Variants in AGBL4 observed in about 807,000 individuals in gnomAD.
AGBL4 encodes the protein AGBL carboxypeptidase 4, also known as cytosolic carboxypeptidase 6.
In AGBL4, 58 loss-of-function variants were observed where a neutral mutation model predicts 66.4. The observed-to-expected ratio is 0.87, with a 90% CI of 0.71 to 1.09. AGBL4 has a LOEUF of 1.09. AGBL4 is among the 50% of genes least tolerant of loss of function. The pLI is 0.00. For missense variants in AGBL4, 579 were observed against 631.0 expected (o/e 0.92, Z 0.88); for synonymous variants, 234 against 222.9 (o/e 1.05, Z -0.44).
At chr1:49,014,592 A>G (rs1662676555) in intron 5 of AGBL4, among the ~76,000 whole-genome samples, 4 of 152,076 alleles carry the variant, frequency 2.6e-5, no homozygotes, top group Admixed American at 2.0e-4. Context: ...CAGATTGACC[A>G]CTGCATGCCA....
At chr1:49,576,356 A>G (rs557915419) in intron 3 of AGBL4, among the ~76,000 whole-genome samples, 3 of 152,318 alleles carry the variant, frequency 2.0e-5, no homozygotes, top group Admixed American at 6.5e-5. Flanking sequence ...AGCAGATCCA[A>G]TGGTGCTTGA....
chr1:48,534,396 C>T (rs954096738), intron 13 of AGBL4, 103 bp from the exon 14 acceptor site: 1 of 1,398,226 alleles, frequency 7.2e-7, no homozygotes, highest in South Asian at 1.5e-5. Flanking sequence ...CTGTAGCCTC[C>T]CAGGAACAGT....
intron 5 of AGBL4, among the ~76,000 whole-genome samples, chr1:48,886,094 C>G (rs941904667): frequency 6.6e-6 from 1 of 152,112 alleles, no homozygotes; most frequent in African/African-American, 2.4e-5. Context: ...AGGACACCAG[C>G]AGGTGAGGAA....
At chr1:48,623,806 G>A (rs1272980178) in intron 9 of AGBL4, among the ~76,000 whole-genome samples, 4 of 152,238 alleles carry the variant, frequency 2.6e-5, no homozygotes, top group Non-Finnish European at 4.4e-5. Flanking sequence ...TGGAAAGGGA[G>A]GAGTATATGG....
intron 7 of AGBL4, among the ~76,000 whole-genome samples, chr1:48,655,649 C>G (rs1422415548): frequency 1.3e-5 from 2 of 152,266 alleles, no homozygotes; most frequent in Admixed American, 6.5e-5. Flanking sequence ...TGGCATGCTT[C>G]AATAAACTCA....
chr1:49,908,624 A>G lies in AGBL4; in HGVS notation c.35-57106T>C, dbSNP rs537896923. Among the ~76,000 whole-genome samples the G allele has an allele frequency of 2.6e-5, 4 of 152,226 alleles. No homozygotes were observed. In the South Asian group the frequency reaches 8.3e-4, roughly 32 times the overall value. ...ACCCATGCTTAGATGTTTCTCCATAAGAACACAGGAATGGCCTAATACACT... is the reference window on the plus strand; with the variant it reads ...ACCCATGCTTAGATGTTTCTCCATAGGAACACAGGAATGGCCTAATACACT... On this transcript the variant is annotated intron_variant, in intron 1 of 13. Transcript: ENST00000371839.
chr1:49,863,946 A>G (rs6675419), intron 1 of AGBL4, among the ~76,000 whole-genome samples: 104,164 of 151,780 alleles, frequency 0.69, 36,499 homozygotes, highest in African/African-American at 0.78. Context: ...CCCCCAAAAA[A>G]GAAATCAGTA....
chr1:49,686,245 C>A (rs1038643956), intron 3 of AGBL4, among the ~76,000 whole-genome samples: 1 of 152,106 alleles, frequency 6.6e-6, no homozygotes, highest in Non-Finnish European at 1.5e-5. Flanking sequence ...CTAATAAGGA[C>A]CCCCGCCACG....
At chr1:48,855,136 C>T (rs1433818224) in intron 6 of AGBL4, among the ~76,000 whole-genome samples, 3 of 152,146 alleles carry the variant, frequency 2.0e-5, no homozygotes, top group Non-Finnish European at 4.4e-5. Flanking sequence ...CTGCCTTCAG[C>T]CTAATAGTGA....
In AGBL4 at chr1:49,804,729, CATTT is replaced by C. The variant is rs372180675; in HGVS notation, c.157+46663_157+46666del. Among the ~76,000 whole-genome samples, 63 of 152,238 alleles carry C rather than the reference CATTT, an allele frequency of 4.1e-4. No homozygotes were observed. The East Asian group carries it at 0.011, about 26-fold the overall frequency. ...ATTTGCATTTTCATCAATTAACAAACATTTATATTTGCTGGTGAGATAGAAACCT... is the reference window on the plus strand; with the variant it reads ...ATTTGCATTTTCATCAATTAACAAACATATTTGCTGGTGAGATAGAAACCT... On this transcript the variant is annotated intron_variant, in intron 2 of 13. Coordinates refer to ENST00000371839, the MANE Select transcript of AGBL4 (RefSeq NM_032785.4).
intron 3 of AGBL4, among the ~76,000 whole-genome samples, chr1:49,645,091 A>T (rs568158817): frequency 5.5e-4 from 83 of 151,602 alleles, no homozygotes; most frequent in Non-Finnish European, 8.4e-4. Flanking sequence ...AGAAATAAAA[A>T]ATAGAGAATT....
intron 3 of AGBL4, among the ~76,000 whole-genome samples, chr1:49,259,938 A>T (rs1397029430): frequency 1.3e-4 from 19 of 151,252 alleles, no homozygotes; most frequent in African/African-American, 4.1e-4. Flanking sequence ...GTAAAAGAAC[A>T]GAGATTATAA....
chr1:49,842,821 G>A (rs1646032017), intron 2 of AGBL4, among the ~76,000 whole-genome samples: 1 of 152,156 alleles, frequency 6.6e-6, no homozygotes, highest in South Asian at 2.1e-4. Flanking sequence ...GGCAGTCTGA[G>A]AGAATACTAG....
At chr1:49,844,697 A>C in intron 2 of AGBL4, 1 of 1,599,254 alleles carries the variant, frequency 6.3e-7, no homozygotes, top group African/African-American at 1.3e-5. Context: ...TCAGACTTGG[A>C]AACTAGACCC....
At chr1:48,718,609 G>A (rs988208911) in intron 6 of AGBL4, among the ~76,000 whole-genome samples, 2 of 152,120 alleles carry the variant, frequency 1.3e-5, no homozygotes, top group South Asian at 4.1e-4. Context: ...CTTCCTGGTG[G>A]GAGGGAGAGG....
intron 1 of AGBL4, among the ~76,000 whole-genome samples, chr1:49,908,737 G>T (rs928049045): frequency 6.6e-6 from 1 of 152,104 alleles, no homozygotes; most frequent in Non-Finnish European, 1.5e-5. Flanking sequence ...AGACCAGCCT[G>T]GGTGACAGAA....
chr1:48,525,346 G>T, the AGBL4 span, among the ~76,000 whole-genome samples: 1 of 152,164 alleles, frequency 6.6e-6, no homozygotes, highest in African/African-American at 2.4e-5. Context: ...GAGGGGTCTT[G>T]TAGAATCAGT....
rs955590830 is a variant in AGBL4, at chr1:49,939,407, C to T, written c.34+84356G>A. Among the ~76,000 whole-genome samples the T allele has an allele frequency of 6.8e-4, 104 of 152,108 alleles. 1 individual carries two copies. Among genetic ancestry groups the T allele is most frequent in the African/African-American group, 2.4e-3 (99 of 41,396 alleles). On this transcript the variant is annotated intron_variant, in intron 1 of 13. Transcript: ENST00000371839. ...CCCACATTGCCAAGCCAATCCTAAG[C>T]CAAAAGAACAAAGCTGGAGGCATCA...
intron 6 of AGBL4, among the ~76,000 whole-genome samples, chr1:48,741,070 C>T (rs1280671601): frequency 6.6e-6 from 1 of 152,114 alleles, no homozygotes; most frequent in Non-Finnish European, 1.5e-5. Context: ...GCAAAAGAGG[C>T]CCCCTATAAT....
Sources: gnomAD v4.1 joint callset for allele counts (sites outside exome capture counted in the v4.1 genomes callset) on GRCh38, gnomAD v4.1.1 for gene constraint, MANE v1.5 for transcripts, NCBI Gene and HGNC (gene_info 2026-07-23, HGNC 2026-07-21) for gene names.